The following TFAP4 variants were observed in gnomAD, a reference collection of about 807,000 sequenced individuals.
TFAP4 encodes activating enhancer-binding protein 4.
TFAP4 carries 7 observed loss-of-function variants against 40.4 expected under a neutral mutation model. That is an observed-to-expected ratio of 0.17 (90% CI 0.10 to 0.33). The LOEUF is 0.33. Among genes scored for constraint, TFAP4 ranks in the 10% least tolerant of loss-of-function variants. The pLI, the probability that TFAP4 is intolerant of heterozygous loss-of-function variation, is 1.00. For missense variants in TFAP4, 374 were observed against 451.1 expected, an observed-to-expected ratio of 0.83 and a Z score of 1.55; for synonymous variants, 218 against 181.4, an observed-to-expected ratio of 1.20 and a Z score of -1.62.
intron 4 of TFAP4, among the ~76,000 whole-genome samples, chr16:4,261,420 C>T (rs1354465070): frequency 1.3e-5 from 2 of 151,808 alleles, no homozygotes; most frequent in Non-Finnish European, 2.9e-5. Context: ...GCGGGGACTA[C>T]AGGCACCCAC....
At chr16:4,260,386 T>C (rs922850987) in intron 5 of TFAP4, 69 bp downstream of exon 5, 1 of 1,516,004 alleles carries the variant, frequency 6.6e-7, no homozygotes, top group Non-Finnish European at 8.8e-7. Flanking sequence ...AGGGAGAGGC[T>C]TCCGCCATTC....
At position 4,262,611 on chromosome 16, in the gene TFAP4, G is replaced by T. The variant is rs1477991023; in HGVS notation, c.180C>A (p.Arg60=). The T allele has an allele frequency of 6.2e-7, 1 of 1,612,234 alleles. No individual in the cohort carries two copies. The highest frequency in any genetic ancestry group is 1.7e-5 in the Admixed American group (1 of 60,002). ...GGAATCCCGCGTTGATGCTCTGCAT[G>T]CGTCTCCGCTCGTTGCTGTTGGCGA... ...REIANSNERR[R]MQSINAGFQS... The change falls in exon 2 of 7, where the codon CGC becomes CGA. Residue 60 remains arginine, a synonymous_variant. Transcript: ENST00000204517.
chr16:4,257,871 C>T lies in TFAP4; in HGVS notation c.*184G>A, dbSNP rs2052909350. 2 of 645,266 alleles carry T rather than the reference C, an allele frequency of 3.1e-6. No homozygotes were observed. The highest frequency in any genetic ancestry group is 4.0e-5 in the South Asian group (2 of 49,982). 40.0% of individuals were successfully genotyped at this position (645,266 alleles called of 1,614,324 possible). Reference sequence around the variant, plus strand: ...CACACGCTCTGCGACACCCCAGCCCCGGGACCTCGGGTTGAGTGGCTTCGT... The same window carrying T: ...CACACGCTCTGCGACACCCCAGCCCTGGGACCTCGGGTTGAGTGGCTTCGT... On this transcript the variant is annotated 3_prime_UTR_variant, in exon 7 of 7. Coordinates refer to ENST00000204517, the MANE Select transcript of TFAP4 (RefSeq NM_003223.3).
At chr16:4,259,112 T>A (rs1423293250) in intron 6 of TFAP4, among the ~76,000 whole-genome samples, 2 of 151,622 alleles carry the variant, frequency 1.3e-5, no homozygotes, top group Non-Finnish European at 2.9e-5. Context: ...AAAAAAGAAA[T>A]AATATGGACC....
Position 4,258,298 on chromosome 16 carries a change from A to T in TFAP4, c.823-49T>A. 3 of 1,503,420 alleles carry T rather than the reference A, an allele frequency of 2.0e-6. 1 individual carries two copies. In the South Asian group the frequency reaches 3.9e-5, roughly 19 times the overall value. The allele number at this position is 1,503,420 out of a possible 1,614,324, so 93.1% of individuals were successfully genotyped here. On this transcript the variant is annotated intron_variant, in intron 6 of 6. Transcript: ENST00000204517. Reference sequence around the variant, plus strand: ...AAGGCTCGGCCGGGGATACATGGCCAGCCAGGAGACAGTGGGGGCTCTCAG... The same window carrying T: ...AAGGCTCGGCCGGGGATACATGGCCTGCCAGGAGACAGTGGGGGCTCTCAG...
intron 4 of TFAP4, 28 bp from the exon 5 acceptor site, chr16:4,260,623 G>C: frequency 1.3e-6 from 2 of 1,564,314 alleles, no homozygotes; most frequent in South Asian, 2.4e-5. Flanking sequence ...TGGGCTCAGG[G>C]CCAAGGCCGG....
chr16:4,269,778 C>G (rs1371445471), intron 1 of TFAP4, among the ~76,000 whole-genome samples: 1 of 151,308 alleles, frequency 6.6e-6, no homozygotes, highest in Non-Finnish European at 1.5e-5. Context: ...CCACTGCACT[C>G]CAGCCTGTGC....
Position 4,272,826 on chromosome 16 carries a change from G to T in TFAP4, c.-80C>A. On this transcript the variant is annotated 5_prime_UTR_variant, in exon 1 of 7. Coordinates refer to ENST00000204517, the MANE Select transcript of TFAP4 (RefSeq NM_003223.3). Reference sequence around the variant, plus strand: ...GCAAGATGGAAATCCGAATCAAAGGGCAGCGCCGGACGGAGGTGCAGAATC... The same window carrying T: ...GCAAGATGGAAATCCGAATCAAAGGTCAGCGCCGGACGGAGGTGCAGAATC... 7.9e-7 allele frequency: 1 copy of T among 1,267,206 alleles called. No individual in the cohort carries two copies. The allele number at this position is 1,267,206 out of a possible 1,614,324, so 78.5% of individuals were successfully genotyped here. A position where few individuals can be genotyped will look rare whatever the true frequency, so the allele number is the denominator to read the frequency against.
At chr16:4,266,551 A>G (rs1003544425) in intron 1 of TFAP4, 2 of 152,058 alleles carry the variant, frequency 1.3e-5, no homozygotes, top group African/African-American at 4.8e-5. Flanking sequence ...AGGGGTTGTG[A>G]TTGGTGGAGT....
chr16:4,262,044 A>G (rs2052954721), intron 3 of TFAP4, 95 bp from the exon 4 acceptor site: 2 of 1,342,610 alleles, frequency 1.5e-6, no homozygotes, highest in Non-Finnish European at 2.0e-6. Flanking sequence ...TGCCCAACAC[A>G]GGTGAATCTT....
intron 4 of TFAP4, 142 bp from the exon 5 acceptor site, chr16:4,260,737 G>T: frequency 1.1e-6 from 1 of 934,560 alleles, no homozygotes; most frequent in Non-Finnish European, 1.5e-6. Flanking sequence ...CCTTTCCAGA[G>T]CCCTTCAGCC....
chr16:4,262,132 T>TG, intron 3 of TFAP4, 183 bp from the exon 4 acceptor site: 1 of 891,780 alleles, frequency 1.1e-6, no homozygotes, highest in Admixed American at 2.7e-5. Flanking sequence ...AACAGTCACC[T>TG]GGCTCCTTCC....
chr16:4,262,241 A>C (rs2052955998), intron 3 of TFAP4, 83 bp downstream of exon 3: 1 of 1,453,722 alleles, frequency 6.9e-7, no homozygotes, highest in African/African-American at 1.4e-5. Context: ...AGGGGCCTGC[A>C]GCCACACCTG....
At position 4,272,747 on chromosome 16, in the gene TFAP4, A is replaced by T. The variant is rs1255464464; in HGVS notation, c.-1T>A. On this transcript the variant is annotated 5_prime_UTR_variant, in exon 1 of 7. Transcript: ENST00000204517. ...GAGTGGGCACCATGAAATACTCCAT[A>T]GCGATCGGCCCCCCTCCTCTGCACG... The T allele has an allele frequency of 2.5e-6, 4 of 1,613,080 alleles. No individual in the cohort carries two copies. The highest frequency in any genetic ancestry group is 3.4e-6 in the Non-Finnish European group (4 of 1,179,370).
intron 6 of TFAP4, 146 bp from the exon 7 acceptor site, chr16:4,258,395 A>C (rs145238604): frequency 2.4e-4 from 170 of 702,524 alleles, no homozygotes; most frequent in Middle Eastern, 7.5e-4. Flanking sequence ...GGCCCGCTAG[A>C]GTACAGGAAA....
chr16:4,271,821 C>G (rs941610500), intron 1 of TFAP4, among the ~76,000 whole-genome samples: 3 of 152,224 alleles, frequency 2.0e-5, no homozygotes, highest in Non-Finnish European at 4.4e-5. Flanking sequence ...CCTGCCTTGC[C>G]CATCGTGCCC....
chr16:4,260,868 G>C (rs771115240), intron 4 of TFAP4, among the ~76,000 whole-genome samples: 13 of 152,252 alleles, frequency 8.5e-5, no homozygotes, highest in African/African-American at 1.2e-4. Context: ...TTAACTATGA[G>C]ACTCAACTTC....
intron 2 of TFAP4, 41 bp downstream of exon 2, chr16:4,262,495 C>G (rs554017911): frequency 1.5e-5 from 25 of 1,613,156 alleles, no homozygotes; most frequent in Non-Finnish European, 2.0e-5. Context: ...CCAGCGGGAA[C>G]CTGCCGGCTC....
In TFAP4 at chr16:4,261,064, G is replaced by A. The variant is rs189715789; in HGVS notation, c.526-469C>T. Among the ~76,000 whole-genome samples, 638 of 152,236 alleles carry A rather than the reference G, an allele frequency of 4.2e-3. 3 individuals carry two copies. The highest frequency in any genetic ancestry group is 8.6e-3 in the Admixed American group (132 of 15,284). On this transcript the variant is annotated intron_variant, in intron 4 of 6. Transcript: ENST00000204517. ...GCTCACTGCAGCCTCCACCTCCTGGGCTCAAGCAATCCTCCCAGCTCAGCC... is the reference window on the plus strand; with the variant it reads ...GCTCACTGCAGCCTCCACCTCCTGGACTCAAGCAATCCTCCCAGCTCAGCC...
Sources: allele counts gnomAD v4.1 joint callset (sites outside exome capture counted in the v4.1 genomes callset), GRCh38; gene constraint gnomAD v4.1.1; transcripts MANE v1.5; gene names NCBI Gene and HGNC (gene_info 2026-07-23, HGNC 2026-07-21).